Variants in EFCAB3 observed in about 807,000 individuals in gnomAD.
The protein encoded by EFCAB3 is EF-hand calcium binding domain 3.
EFCAB3 carries 36 observed loss-of-function variants against 42.2 expected under a neutral mutation model. That is an observed-to-expected ratio of 0.85 (90% confidence interval 0.65 to 1.13). EFCAB3 has a LOEUF of 1.13. Among genes scored for constraint, EFCAB3 ranks in the 50% most tolerant of loss-of-function variants. The probability of loss-of-function intolerance (pLI) is 0.00; values close to 1 mark genes in which losing one functional copy is unlikely to be tolerated. For synonymous variants in EFCAB3, 170 were observed against 172.8 expected, an observed-to-expected ratio of 0.98 and a Z score of 0.13; for missense variants, 418 against 505.1, an observed-to-expected ratio of 0.83 and a Z score of 1.65.
rs1251040173 is a variant in EFCAB3 at position 62,392,090 on chromosome 17, ATT to A, written c.295+127_295+128del. The A allele has an allele frequency of 5.8e-5, 36 of 620,332 alleles. No homozygotes were observed. In the East Asian group the frequency reaches 1.3e-3, roughly 23 times the overall value. The allele number at this position is 620,332 out of a possible 1,614,324, so 38.4% of individuals were successfully genotyped here. On this transcript the variant is annotated intron_variant, in intron 4 of 9. Transcript: ENST00000305286. Reference sequence around the variant, plus strand: ...TACTTGCCCCCCCAAATATATATATATTTGTGTGTATATATATATTTGTATAT... The same window carrying A: ...TACTTGCCCCCCCAAATATATATATATGTGTGTATATATATATTTGTATAT...
chr17:62,388,402 A>G (rs954438684), intron 3 of EFCAB3, among the ~76,000 whole-genome samples: 1 of 152,238 alleles, frequency 6.6e-6, no homozygotes, highest in Non-Finnish European at 1.5e-5. Context: ...TAGCGCTGAC[A>G]GGAGTTTCTA....
chr17:62,374,706 T>A (rs933135257), intron 2 of EFCAB3, among the ~76,000 whole-genome samples: 2 of 152,140 alleles, frequency 1.3e-5, no homozygotes, highest in Non-Finnish European at 2.9e-5. Flanking sequence ...ACGTACAACC[T>A]CAATCTTGAG....
intron 1 of EFCAB3, among the ~76,000 whole-genome samples, chr17:62,372,155 G>A (rs965692061): frequency 6.6e-6 from 1 of 152,172 alleles, no homozygotes; most frequent in Non-Finnish European, 1.5e-5. Flanking sequence ...ATGGTTTTAT[G>A]GCAATAAATT....
chr17:62,376,463 A>T (rs572386695), upstream of EFCAB3, among the ~76,000 whole-genome samples: 2 of 152,148 alleles, frequency 1.3e-5, no homozygotes, highest in African/African-American at 4.8e-5. Flanking sequence ...GACTCTGCCT[A>T]AAAAAACTTT....
intron 6 of EFCAB3, among the ~76,000 whole-genome samples, chr17:62,401,643 T>C (rs1598017455): frequency 6.6e-6 from 1 of 152,326 alleles, no homozygotes; most frequent in African/African-American, 2.4e-5. Context: ...GTTCCATTTG[T>C]CTATATCTCT....
chr17:62,411,381 C>A (rs2070493652), intron 8 of EFCAB3, among the ~76,000 whole-genome samples: 1 of 152,050 alleles, frequency 6.6e-6, no homozygotes, highest in Admixed American at 6.6e-5. Context: ...GATATGAATT[C>A]TTAAATTGAA....
chr17:62,382,898 G>T, intron 1 of EFCAB3, 65 bp from the exon 2 acceptor site: 1 of 1,424,162 alleles, frequency 7.0e-7, no homozygotes. Context: ...AGCTGAAAAA[G>T]TTGCAAAAGA....
chr17:62,393,638 G>A lies in EFCAB3; in HGVS notation c.361G>A (p.Ala121Thr), dbSNP rs1000651707. ...AACAGATAAGAATCTCTTCCTCAAGGCAGTGGGTGAGTAGAGATGTTATGA... is the reference window on the plus strand; with the variant it reads ...AACAGATAAGAATCTCTTCCTCAAGACAGTGGGTGAGTAGAGATGTTATGA... ...VLTDKNLFLK[A>T]VVPEKETCLD... The change falls in exon 5 of 10, where the codon GCA (alanine) becomes ACA (threonine). Residue 121 changes from alanine to threonine, a missense_variant. Ala to Thr is a moderately conservative substitution (Grantham distance 58). Transcript: ENST00000305286. 1 of 1,613,778 alleles carries A rather than the reference G, an allele frequency of 6.2e-7. No individual in the cohort carries two copies. Among genetic ancestry groups the A allele is most frequent in the African/African-American group, 1.3e-5 (1 of 74,912 alleles).
At chr17:62,383,708 AG>A (rs1221253184) in intron 2 of EFCAB3, among the ~76,000 whole-genome samples, 1 of 152,146 alleles carries the variant, frequency 6.6e-6, no homozygotes, top group East Asian at 1.9e-4. Flanking sequence ...AAAATACCCT[AG>A]GGGGCTCAAG....
chr17:62,382,911 A>G, intron 1 of EFCAB3, 52 bp from the exon 2 acceptor site: 1 of 1,519,122 alleles, frequency 6.6e-7, no homozygotes, highest in Non-Finnish European at 8.9e-7. Context: ...GCAAAAGAAT[A>G]TAAAGAATGA....
At chr17:62,407,004 C>G in intron 7 of EFCAB3, 24 bp from the exon 8 acceptor site, 1 of 1,558,966 alleles carries the variant, frequency 6.4e-7, no homozygotes, top group Non-Finnish European at 8.6e-7. Flanking sequence ...GTTTGTGATA[C>G]CATTTTTGTT....
intron 5 of EFCAB3, 107 bp from the exon 6 acceptor site, chr17:62,394,961 C>T (rs1476828257): frequency 1.5e-5 from 21 of 1,420,636 alleles, no homozygotes; most frequent in Non-Finnish European, 1.9e-5. Context: ...TTTACTGTAC[C>T]TCTAGTTCCT....
At position 62,395,118 on chromosome 17, in the gene EFCAB3, T is replaced by C; in HGVS notation, c.418T>C (p.Leu140=). Reference sequence around the variant, plus strand: ...TTTGGCTGGCAACCCAGGAATCCTATTGTTTGAAATCCTATCAAGGCTTCT... The same window carrying C: ...TTTGGCTGGCAACCCAGGAATCCTACTGTTTGAAATCCTATCAAGGCTTCT... ...LDLAGNPGIL[L]FEILSRLLET... Residue 140 remains leucine (L), a synonymous_variant, in exon 6 of 10, where the codon TTG becomes CTG. Coordinates refer to ENST00000305286, the MANE Select transcript of EFCAB3 (RefSeq NM_173503.4). 6.2e-7 allele frequency: 1 copy of C among 1,614,150 alleles called. No individual in the cohort carries two copies. Among genetic ancestry groups the C allele is most frequent in the Non-Finnish European group, 8.5e-7 (1 of 1,180,016 alleles).
In EFCAB3 at chr17:62,391,832, T is replaced by C; in HGVS notation, c.162T>C (p.Asp54=). Residue 54 remains aspartate (D), a synonymous_variant, in exon 4 of 10, where the codon GAT becomes GAC. Transcript: ENST00000305286. ...ATCCTATCTCCCCAGCTTTCCAAGA[T>C]GCCTACAACTTCTTCTACAAGGACA... The part of the protein sequence containing the change: ...LSASQMAAFQ[D]AYNFFYKDKT... 1 of 1,613,576 alleles carries C rather than the reference T, an allele frequency of 6.2e-7. No individual in the cohort carries two copies. The highest frequency in any genetic ancestry group is 8.5e-7 in the Non-Finnish European group (1 of 1,179,710).
At chr17:62,400,826 G>C (rs1042904082) in intron 6 of EFCAB3, among the ~76,000 whole-genome samples, 41 of 152,008 alleles carry the variant, frequency 2.7e-4, no homozygotes, top group African/African-American at 9.2e-4. Context: ...AATGGTTGAA[G>C]CAGTTTACAG....
chr17:62,395,206 G>A lies in EFCAB3; in HGVS notation c.488+18G>A. 1 of 1,608,140 alleles carries A rather than the reference G, an allele frequency of 6.2e-7. No individual in the cohort carries two copies. The highest frequency in any genetic ancestry group is 1.3e-5 in the African/African-American group (1 of 74,498). ...ATAGTAAGGTAAGTGAGAAGGAAAG[G>A]AGCAAAAACAGCCTTCTCAGAAGCA... On this transcript the variant is annotated intron_variant, in intron 6 of 9. Transcript: ENST00000305286.
intron 1 of EFCAB3, among the ~76,000 whole-genome samples, chr17:62,371,474 C>T (rs557989910): frequency 6.6e-6 from 1 of 152,314 alleles, no homozygotes; most frequent in East Asian, 1.9e-4. Context: ...AGGAGAATCA[C>T]TTGAACCCAG....
intron 3 of EFCAB3, among the ~76,000 whole-genome samples, chr17:62,388,553 A>T (rs2070275686): frequency 6.6e-6 from 1 of 152,222 alleles, no homozygotes; most frequent in Admixed American, 6.5e-5. Context: ...CTAAATTTAG[A>T]ACCAATTTAG....
intron 6 of EFCAB3, chr17:62,397,692 A>T: frequency 1.8e-6 from 1 of 562,308 alleles, no homozygotes; most frequent in Non-Finnish European, 3.5e-6. Context: ...AACTTTATTG[A>T]GAAAAACGAT....
Sources: gnomAD v4.1 joint callset for allele counts (sites outside exome capture counted in the v4.1 genomes callset) on GRCh38, gnomAD v4.1.1 for gene constraint, MANE v1.5 for transcripts, NCBI Gene and HGNC (gene_info 2026-07-23, HGNC 2026-07-21) for gene names.